LAPTM4B: variants seen among roughly 807,000 people sequenced by gnomAD.
LAPTM4B encodes the protein lysosomal-associated transmembrane protein 4B.
Under a neutral mutation model 28.5 loss-of-function variants are expected in LAPTM4B, and 26 were observed. The ratio of observed to expected loss-of-function variants is 0.91; its 90% CI spans 0.67 to 1.27. The LOEUF (loss-of-function observed/expected upper bound fraction) is 1.27. Among genes scored for constraint, LAPTM4B ranks in the 50% most tolerant of loss-of-function variants. LAPTM4B has a pLI of 0.00. For synonymous variants in LAPTM4B, 109 were observed against 106.4 expected (o/e 1.02, Z -0.15); for missense variants, 288 against 285.8 (o/e 1.01, Z -0.06).
At chr8:97,838,228 G>C (rs1799658635) in intron 6 of LAPTM4B, among the ~76,000 whole-genome samples, 2 of 152,208 alleles carry the variant, frequency 1.3e-5, no homozygotes, top group Admixed American at 1.3e-4. Context: ...CACACTTGCA[G>C]GGTAGGGTAA....
At position 97,815,331 on chromosome 8, in the gene LAPTM4B, T is replaced by A; in HGVS notation, c.215T>A (p.Met72Lys). The change falls in exon 3 of 7, where the codon ATG (methionine) becomes AAG (lysine). Residue 72 changes from methionine (M) to lysine (K), a missense_variant. Coordinates refer to ENST00000521545, the MANE Select transcript of LAPTM4B (RefSeq NM_018407.6). Reference protein sequence around the residue: ...GDFEFMDDANMCIAIAISLLM... With the variant: ...GDFEFMDDANKCIAIAISLLM... ...ATTCTTTTTAATCTTTCGGCAGACA[T>A]GTGCATTGCCATTGCGATTTCTCTT... 1 of 1,613,580 alleles carries A rather than the reference T, an allele frequency of 6.2e-7. No individual in the cohort carries two copies. The highest frequency in any genetic ancestry group is 2.2e-5 in the East Asian group (1 of 44,878).
intron 6 of LAPTM4B, among the ~76,000 whole-genome samples, 175 bp downstream of exon 6, chr8:97,825,328 A>T (rs1210055224): frequency 6.6e-6 from 1 of 152,198 alleles, no homozygotes; most frequent in Non-Finnish European, 1.5e-5. Context: ...TATGAAGTTA[A>T]ATGTATTTTG....
intron 1 of LAPTM4B, among the ~76,000 whole-genome samples, chr8:97,786,120 T>C (rs1048558805): frequency 6.6e-6 from 1 of 152,222 alleles, no homozygotes; most frequent in African/African-American, 2.4e-5. Context: ...GTGTGAGCCC[T>C]AGCAACTCTC....
At chr8:97,826,478 G>A (rs1194905310) in intron 6 of LAPTM4B, among the ~76,000 whole-genome samples, 1 of 152,084 alleles carries the variant, frequency 6.6e-6, no homozygotes, top group African/African-American at 2.4e-5. Context: ...ACTGGCTTAA[G>A]AATTTTTTTC....
intron 1 of LAPTM4B, among the ~76,000 whole-genome samples, chr8:97,797,261 A>T (rs1002561557): frequency 6.6e-6 from 1 of 151,712 alleles, no homozygotes. Flanking sequence ...CAGCCTTCCG[A>T]GTAGCTGGGA....
At chr8:97,796,425 C>G (rs73270614) in intron 1 of LAPTM4B, among the ~76,000 whole-genome samples, 162 of 152,266 alleles carry the variant, frequency 1.1e-3, no homozygotes, top group Middle Eastern at 6.8e-3. Context: ...TTATTTCACT[C>G]TGATGTTTCT....
intron 1 of LAPTM4B, among the ~76,000 whole-genome samples, chr8:97,777,535 T>C (rs1816243469): frequency 6.6e-6 from 1 of 152,084 alleles, no homozygotes; most frequent in South Asian, 2.1e-4. Context: ...ATATGGACTT[T>C]TTGTCTAACT....
chr8:97,847,993 G>A (rs1334469625), intron 6 of LAPTM4B, among the ~76,000 whole-genome samples: 1 of 152,244 alleles, frequency 6.6e-6, no homozygotes, highest in African/African-American at 2.4e-5. Flanking sequence ...GCTGGGCATG[G>A]TGGCTCATGC....
At chr8:97,838,226 C>T (rs1021955238) in intron 6 of LAPTM4B, among the ~76,000 whole-genome samples, 1 of 152,184 alleles carries the variant, frequency 6.6e-6, no homozygotes, top group African/African-American at 2.4e-5. Flanking sequence ...CACACACTTG[C>T]AGGGTAGGGT....
At chr8:97,826,311 A>G (rs1260106184) in intron 6 of LAPTM4B, among the ~76,000 whole-genome samples, 1 of 152,192 alleles carries the variant, frequency 6.6e-6, no homozygotes, top group Non-Finnish European at 1.5e-5. Flanking sequence ...TGGCATACCC[A>G]GGTGCTGAGG....
At chr8:97,777,359 G>A (rs1346309796) in intron 1 of LAPTM4B, among the ~76,000 whole-genome samples, 1 of 151,760 alleles carries the variant, frequency 6.6e-6, no homozygotes, top group Admixed American at 6.6e-5. Context: ...TGTTGGCCAG[G>A]CTGGTCTCGA....
At chr8:97,849,432 T>G (rs568600876) in intron 6 of LAPTM4B, among the ~76,000 whole-genome samples, 2 of 152,366 alleles carry the variant, frequency 1.3e-5, no homozygotes, top group Non-Finnish European at 2.9e-5. Flanking sequence ...TTTCCTGCTG[T>G]GCTTCCTTAC....
At chr8:97,808,911 A>C (rs1172725531) in intron 2 of LAPTM4B, among the ~76,000 whole-genome samples, 1 of 152,120 alleles carries the variant, frequency 6.6e-6, no homozygotes, top group Non-Finnish European at 1.5e-5. Context: ...CAGTGAGCCG[A>C]GATCATGCCA....
At chr8:97,829,307 G>C (rs1445328362) in intron 6 of LAPTM4B, among the ~76,000 whole-genome samples, 1 of 152,168 alleles carries the variant, frequency 6.6e-6, no homozygotes, top group Non-Finnish European at 1.5e-5. Flanking sequence ...TCTGTTGAAC[G>C]GGGGAGGGTA....
chr8:97,805,277 A>T, intron 1 of LAPTM4B, 76 bp from the exon 2 acceptor site: 1 of 794,004 alleles, frequency 1.3e-6, no homozygotes, highest in Non-Finnish European at 2.1e-6. Context: ...CCATGTGGTC[A>T]GTGTAATTTT....
chr8:97,800,255 G>A (rs35044961), intron 1 of LAPTM4B, among the ~76,000 whole-genome samples: 29,932 of 151,710 alleles, frequency 0.2, 3,974 homozygotes, highest in Non-Finnish European at 0.3. Flanking sequence ...CTGAGAGTGC[G>A]GGGAAAGCAC....
chr8:97,820,815 G>A (rs1386032702), intron 5 of LAPTM4B, among the ~76,000 whole-genome samples: 1 of 151,832 alleles, frequency 6.6e-6, no homozygotes, highest in Non-Finnish European at 1.5e-5. Flanking sequence ...TGCAACCTCT[G>A]CCTCCTAGGT....
intron 6 of LAPTM4B, among the ~76,000 whole-genome samples, chr8:97,828,208 G>T (rs574193506): frequency 4.7e-4 from 72 of 152,074 alleles, no homozygotes; most frequent in Non-Finnish European, 7.4e-4. Context: ...AATTTTGGGG[G>T]TGGTATGGAG....
At position 97,842,859 on chromosome 8, in the gene LAPTM4B, GT is replaced by G. The variant is rs370945882; in HGVS notation, c.604-8534del. On this transcript the variant is annotated intron_variant, in intron 6 of 6. Transcript: ENST00000521545. ...GTAAGGATATCTTTTTCCTGCAGAAGTTTTAGTGCTCCCTTATATAATATCT... is the reference window on the plus strand; with the variant it reads ...GTAAGGATATCTTTTTCCTGCAGAAGTTTAGTGCTCCCTTATATAATATCT... Among the ~76,000 whole-genome samples the G allele has an allele frequency of 4.9e-3, 736 of 149,944 alleles. 6 individuals carry two copies. The highest frequency in any genetic ancestry group is 0.017 in the African/African-American group (673 of 40,668).
Sources: gnomAD v4.1 joint callset for allele counts (sites outside exome capture counted in the v4.1 genomes callset) on GRCh38, gnomAD v4.1.1 for gene constraint, MANE v1.5 for transcripts, NCBI Gene and HGNC (gene_info 2026-07-23, HGNC 2026-07-21) for gene names.